Variants in DGKK observed in about 807,000 individuals in gnomAD.
DGKK encodes 142 kDa diacylglycerol kinase.
Under a neutral mutation model 92.2 loss-of-function variants are expected in DGKK, and 35 were observed. The observed-to-expected ratio is 0.38, with a 90% confidence interval of 0.29 to 0.50. The LOEUF is 0.50. Among genes scored for constraint, DGKK ranks in the 20% least tolerant of loss-of-function variants. The pLI is 0.92. For missense variants in DGKK, 910 were observed against 992.2 expected (o/e 0.92, Z 1.11); for synonymous variants, 368 against 360.6 (o/e 1.02, Z -0.23).
chrX:50,384,166 A>C lies in DGKK; in HGVS notation c.2549+2T>G. 1 of 1,127,392 alleles carries C rather than the reference A, an allele frequency of 8.9e-7. No individual in the cohort carries two copies. Among genetic ancestry groups the C allele is most frequent in the Non-Finnish European group, 1.2e-6 (1 of 835,734 alleles). 92.9% of individuals were successfully genotyped at this position (1,127,392 alleles called of 1,213,427 possible). A position where few individuals can be genotyped will look rare whatever the true frequency, so the allele number is the denominator to read the frequency against. Reference sequence around the variant, plus strand: ...TAAAAGGTGATAGAGTTAAATACTTACATAGATTCAGGTGTAAAATGTAAG... The same window carrying C: ...TAAAAGGTGATAGAGTTAAATACTTCCATAGATTCAGGTGTAAAATGTAAG... On this transcript the variant is annotated splice_donor_variant, in intron 17 of 27. Coordinates refer to ENST00000611977, the MANE Select transcript of DGKK (RefSeq NM_001013742.4). LOFTEE classifies it high-confidence loss of function.
intron 26 of DGKK, among the ~76,000 whole-genome samples, chrX:50,371,017 G>T (rs782312324): frequency 7.1e-5 from 8 of 112,507 alleles, no homozygotes; most frequent in Non-Finnish European, 1.5e-4. Context: ...CCTTCTTATA[G>T]GGAAGACCCT....
intron 1 of DGKK, among the ~76,000 whole-genome samples, chrX:50,450,138 T>C (rs1312808900): frequency 8.9e-6 from 1 of 112,070 alleles, no homozygotes; most frequent in Admixed American, 9.4e-5. Context: ...CTAAGATTCA[T>C]ATTTGGCTCC....
intron 1 of DGKK, among the ~76,000 whole-genome samples, chrX:50,434,348 G>C (rs1221382422): frequency 8.9e-6 from 1 of 112,309 alleles, no homozygotes; most frequent in Non-Finnish European, 1.9e-5. Context: ...TCCTGTGAGG[G>C]AAGTGAAGAA....
chrX:50,401,642 C>T (rs1245052970), intron 7 of DGKK, among the ~76,000 whole-genome samples: 5 of 110,521 alleles, frequency 4.5e-5, no homozygotes, highest in Non-Finnish European at 7.6e-5. Flanking sequence ...CTGCCTTTCC[C>T]ACAAGCGGCC....
chrX:50,430,148 C>G (rs1453483804), intron 1 of DGKK, among the ~76,000 whole-genome samples: 1 of 112,147 alleles, frequency 8.9e-6, no homozygotes, highest in Non-Finnish European at 1.9e-5. Context: ...GTACAAAAGG[C>G]AATGAGGAAT....
At chrX:50,396,530 G>T (rs782809747) in intron 8 of DGKK, among the ~76,000 whole-genome samples, 8 of 112,219 alleles carry the variant, frequency 7.1e-5, no homozygotes, top group African/African-American at 1.9e-4. Context: ...AGCCATGAGG[G>T]TGTAAACTAG....
At chrX:50,450,101 C>A (rs1280543781) in intron 1 of DGKK, among the ~76,000 whole-genome samples, 1 of 111,590 alleles carries the variant, frequency 9.0e-6, no homozygotes, top group Non-Finnish European at 1.9e-5. Context: ...CCACTACTCA[C>A]ACTAGATATT....
At chrX:50,376,285 A>C (rs1424331829) in intron 23 of DGKK, 120 bp from the exon 24 acceptor site, 1 of 673,655 alleles carries the variant, frequency 1.5e-6, no homozygotes, top group Non-Finnish European at 2.2e-6. Context: ...ACTTGGACTC[A>C]TGACTCCCTC....
intron 27 of DGKK, among the ~76,000 whole-genome samples, chrX:50,369,593 A>C: frequency 1.0e-5 from 1 of 97,778 alleles, no homozygotes; most frequent in East Asian, 3.1e-4. Context: ...ATGAGGTCTC[A>C]CTCTATTGCC....
intron 1 of DGKK, among the ~76,000 whole-genome samples, chrX:50,441,561 G>C (rs1311734480): frequency 1.8e-5 from 2 of 111,596 alleles, no homozygotes; most frequent in Admixed American, 1.9e-4. Flanking sequence ...TCAAGCACAC[G>C]TTTTCCATGA....
At chrX:50,461,046 C>T (rs73213621) in intron 1 of DGKK, among the ~76,000 whole-genome samples, 5,567 of 111,436 alleles carry the variant, frequency 0.05, 163 homozygotes, top group Non-Finnish European at 0.076. Flanking sequence ...CAAATAAAAT[C>T]TAAGTGTCCA....
At chrX:50,412,236 A>C (rs1214442589) in intron 4 of DGKK, among the ~76,000 whole-genome samples, 1 of 112,293 alleles carries the variant, frequency 8.9e-6, no homozygotes, top group African/African-American at 3.2e-5. Context: ...GAAAATACTT[A>C]GGCGTAAATT....
At chrX:50,379,763 T>C in intron 19 of DGKK, 29 bp from the exon 20 acceptor site, 1 of 1,133,540 alleles carries the variant, frequency 8.8e-7, no homozygotes, top group Non-Finnish European at 1.2e-6. Context: ...TCTCATTAGC[T>C]GGATCTTTAG....
intron 7 of DGKK, 78 bp from the exon 8 acceptor site, chrX:50,401,217 A>G (rs1041803904): frequency 4.5e-6 from 4 of 891,004 alleles, no homozygotes; most frequent in South Asian, 2.2e-5. Context: ...TTGAGTTCCA[A>G]TACCAAGATT....
At chrX:50,387,413 C>A (rs1396405845) in intron 14 of DGKK, 141 bp downstream of exon 14, 3 of 483,938 alleles carry the variant, frequency 6.2e-6, no homozygotes, top group Non-Finnish European at 1.0e-5. Context: ...TGAGGTTAGA[C>A]CTTCCTCATC....
At chrX:50,469,810 C>T (rs1047101798) in intron 1 of DGKK, among the ~76,000 whole-genome samples, 5 of 112,194 alleles carry the variant, frequency 4.5e-5, no homozygotes, top group African/African-American at 1.3e-4. Context: ...GCTGTCACCC[C>T]CGTTTCTAGC....
At chrX:50,394,460 C>T (rs938130239) in intron 8 of DGKK, among the ~76,000 whole-genome samples, 3 of 112,043 alleles carry the variant, frequency 2.7e-5, no homozygotes, top group Non-Finnish European at 5.6e-5. Context: ...CCAGGACTCA[C>T]AGCTACAAGG....
intron 8 of DGKK, among the ~76,000 whole-genome samples, chrX:50,400,139 A>T (rs1459026112): frequency 8.9e-6 from 1 of 112,156 alleles, no homozygotes; most frequent in East Asian, 2.8e-4. Context: ...GACTAACCCA[A>T]CATCACATAT....
intron 17 of DGKK, among the ~76,000 whole-genome samples, chrX:50,383,542 G>T (rs1045622324): frequency 1.8e-5 from 2 of 111,991 alleles, no homozygotes; most frequent in Admixed American, 1.9e-4. Context: ...TTTAATCTTA[G>T]ATTACTTTTT....
Sources: allele counts gnomAD v4.1 joint callset (sites outside exome capture counted in the v4.1 genomes callset), GRCh38; gene constraint gnomAD v4.1.1; transcripts MANE v1.5; gene names NCBI Gene and HGNC (gene_info 2026-07-23, HGNC 2026-07-21).